Variants in SCP2 observed in about 807,000 individuals in gnomAD.
SCP2 encodes the protein sterol carrier protein 2, also known as SCP-2/3-oxoacyl-CoA thiolase.
Under a neutral mutation model 71.4 loss-of-function variants are expected in SCP2, and 48 were observed. The ratio of observed to expected loss-of-function variants is 0.67; its 90% CI spans 0.53 to 0.86. The LOEUF (loss-of-function observed/expected upper bound fraction) is 0.86. Ranked by LOEUF, SCP2 falls within the 40% of genes least tolerant of loss-of-function variation. SCP2 has a pLI of 0.00. For missense variants in SCP2, 560 were observed against 655.6 expected, an observed-to-expected ratio of 0.85 and a Z score of 1.59; for synonymous variants, 220 against 218.1, an observed-to-expected ratio of 1.01 and a Z score of -0.08.
At chr1:52,945,243 C>A (rs1325192794) in intron 2 of SCP2, among the ~76,000 whole-genome samples, 1 of 152,112 alleles carries the variant, frequency 6.6e-6, no homozygotes, top group Non-Finnish European at 1.5e-5. Context: ...GGCTGGAGTG[C>A]AGTGGCTATT....
chr1:52,976,255 C>T (rs1003477403), intron 7 of SCP2, among the ~76,000 whole-genome samples: 2 of 152,014 alleles, frequency 1.3e-5, no homozygotes, highest in African/African-American at 4.8e-5. Context: ...AATCACTGGC[C>T]ACATAACTGA....
At chr1:52,948,225 A>ATC in intron 3 of SCP2, 145 bp downstream of exon 3, 1 of 668,640 alleles carries the variant, frequency 1.5e-6, no homozygotes, top group South Asian at 1.7e-5. Flanking sequence ...AAAGAAAAAA[A>ATC]TCTCAGAATT....
At chr1:53,017,485 AT>A (rs1479568497) in intron 12 of SCP2, among the ~76,000 whole-genome samples, 2 of 152,340 alleles carry the variant, frequency 1.3e-5, no homozygotes, top group Non-Finnish European at 2.9e-5. Flanking sequence ...TTCACTTAGT[AT>A]TACACATTTT....
At chr1:52,996,549 G>C (rs1659949832) in intron 11 of SCP2, among the ~76,000 whole-genome samples, 1 of 152,182 alleles carries the variant, frequency 6.6e-6, no homozygotes, top group Non-Finnish European at 1.5e-5. Flanking sequence ...TTCAAGAGAG[G>C]TGTTAGCAGT....
intron 11 of SCP2, among the ~76,000 whole-genome samples, chr1:53,000,726 G>A (rs1660260119): frequency 6.6e-6 from 1 of 152,184 alleles, no homozygotes; most frequent in South Asian, 2.1e-4. Flanking sequence ...GGAGGCTGAG[G>A]CGGGCAGATC....
intron 4 of SCP2, among the ~76,000 whole-genome samples, chr1:52,952,163 T>A (rs1388568820): frequency 6.6e-6 from 1 of 152,164 alleles, no homozygotes; most frequent in Non-Finnish European, 1.5e-5. Context: ...TAGAAACCAC[T>A]AATTTACTTT....
At chr1:53,011,083 T>C (rs1270230733) in intron 11 of SCP2, among the ~76,000 whole-genome samples, 1 of 152,230 alleles carries the variant, frequency 6.6e-6, no homozygotes, top group East Asian at 1.9e-4. Context: ...CATTCTTCAG[T>C]GTATGCTGAG....
intron 6 of SCP2, among the ~76,000 whole-genome samples, chr1:52,972,157 G>A (rs762663725): frequency 6.6e-6 from 1 of 152,158 alleles, no homozygotes; most frequent in Admixed American, 6.5e-5. Context: ...TTCTGAATGT[G>A]CACTAGAAAT....
At chr1:52,934,847 A>G (rs1336928276) in intron 1 of SCP2, 1 of 149,188 alleles carries the variant, frequency 6.7e-6, no homozygotes, top group Non-Finnish European at 1.5e-5. Context: ...TTGTATTTTT[A>G]GTAGAGATGG....
rs150247395 is a variant in SCP2 at position 52,959,027 on chromosome 1, G to C, written c.397-2476G>C. ...GGTGTGAGCCACCACACCCAGTCTA[G>C]TTTTAATACGAGAATAATGCTGGCC... On this transcript the variant is annotated intron_variant, in intron 5 of 15. Coordinates refer to ENST00000371514, the MANE Select transcript of SCP2 (RefSeq NM_002979.5). 3.2e-3 allele frequency among the ~76,000 whole-genome samples: 485 copies of C among 152,162 alleles called. 2 individuals are homozygous for C. Among genetic ancestry groups the C allele is most frequent in the African/African-American group, 0.011 (470 of 41,508 alleles).
At chr1:53,048,071 C>T (rs1663952119) in intron 15 of SCP2, 134 bp downstream of exon 15, 5 of 705,004 alleles carry the variant, frequency 7.1e-6, no homozygotes, top group East Asian at 2.8e-5. Flanking sequence ...AGTTGACAGA[C>T]GTCTGTGGAG....
chr1:53,008,162 A>G (rs1035413796), intron 11 of SCP2, among the ~76,000 whole-genome samples: 5 of 152,226 alleles, frequency 3.3e-5, no homozygotes, highest in Non-Finnish European at 7.3e-5. Context: ...AAAAAAGTCC[A>G]GGACCAGACG....
At chr1:53,029,220 T>G (rs529682571) in intron 13 of SCP2, among the ~76,000 whole-genome samples, 3 of 152,234 alleles carry the variant, frequency 2.0e-5, no homozygotes, top group Non-Finnish European at 2.9e-5. Flanking sequence ...AAAATTGATA[T>G]TTATTTCATT....
chr1:53,045,822 A>G (rs1388012003), intron 14 of SCP2, among the ~76,000 whole-genome samples: 1 of 152,148 alleles, frequency 6.6e-6, no homozygotes, highest in Admixed American at 6.5e-5. Flanking sequence ...GACAGTTTCC[A>G]TTACCCCAGA....
At chr1:52,986,165 G>C (rs1658967704) in intron 10 of SCP2, among the ~76,000 whole-genome samples, 1 of 152,168 alleles carries the variant, frequency 6.6e-6, no homozygotes, top group African/African-American at 2.4e-5. Context: ...TGCTAGGGGA[G>C]AGCGTTCATT....
At chr1:53,002,356 G>A (rs1461760291) in intron 11 of SCP2, among the ~76,000 whole-genome samples, 2 of 152,168 alleles carry the variant, frequency 1.3e-5, no homozygotes, top group East Asian at 1.9e-4. Flanking sequence ...CATCTAGAAC[G>A]TGGCATGGAG....
intron 13 of SCP2, among the ~76,000 whole-genome samples, chr1:53,031,286 T>A (rs1662528710): frequency 6.6e-6 from 1 of 152,238 alleles, no homozygotes; most frequent in Non-Finnish European, 1.5e-5. Flanking sequence ...TGCAAATGTA[T>A]GCCTCTTGCT....
At chr1:52,932,560 A>C (rs1266164100) in intron 1 of SCP2, among the ~76,000 whole-genome samples, 2 of 152,242 alleles carry the variant, frequency 1.3e-5, no homozygotes, top group African/African-American at 4.8e-5. Context: ...TAGTGAGAAA[A>C]GCCCCAGGGT....
At chr1:52,985,778 T>A (rs185727508) in intron 10 of SCP2, among the ~76,000 whole-genome samples, 1 of 152,244 alleles carries the variant, frequency 6.6e-6, no homozygotes, top group East Asian at 1.9e-4. Context: ...TTCAGGGCCT[T>A]TGTTCCAAAC....
Sources: allele counts gnomAD v4.1 joint callset (sites outside exome capture counted in the v4.1 genomes callset), GRCh38; gene constraint gnomAD v4.1.1; transcripts MANE v1.5; gene names NCBI Gene and HGNC (gene_info 2026-07-23, HGNC 2026-07-21).